Variants in KANSL1 observed in about 807,000 individuals in gnomAD.
KANSL1 encodes the protein MLL1/MLL complex subunit KANSL1.
KANSL1 carries 22 observed loss-of-function variants against 103.6 expected under a neutral mutation model. That is an observed-to-expected ratio of 0.21 (90% CI 0.15 to 0.30). The LOEUF is 0.30. Among genes scored for constraint, KANSL1 ranks in the 10% least tolerant of loss-of-function variants. The probability of loss-of-function intolerance (pLI) is 1.00; values close to 1 mark genes in which losing one functional copy is unlikely to be tolerated. For synonymous variants in KANSL1, 600 were observed against 527.6 expected (o/e 1.14, Z -1.88); for missense variants, 1,337 against 1,399.8 (o/e 0.96, Z 0.72).
chr17:46,143,526 C>T (rs955585093), intron 2 of KANSL1, among the ~76,000 whole-genome samples: 17 of 151,812 alleles, frequency 1.1e-4, no homozygotes, highest in South Asian at 4.1e-4. Context: ...ATAAAAAGGC[C>T]GGGCACAGTG....
chr17:46,043,557 C>G (rs1314452613), intron 7 of KANSL1: 1 of 152,192 alleles, frequency 6.6e-6, no homozygotes, highest in East Asian at 1.9e-4. Flanking sequence ...GCTGTCTTTC[C>G]TGTTGTACTG....
chr17:46,184,703 C>T (rs960779341), intron 1 of KANSL1, among the ~76,000 whole-genome samples: 3 of 152,310 alleles, frequency 2.0e-5, no homozygotes, highest in East Asian at 1.9e-4. Context: ...TCAAGTATTC[C>T]CCATTACTCC....
intron 2 of KANSL1, among the ~76,000 whole-genome samples, chr17:46,118,780 A>C (rs1487364292): frequency 6.6e-6 from 1 of 152,198 alleles, no homozygotes; most frequent in Non-Finnish European, 1.5e-5. Context: ...ACGGATAAAC[A>C]ACCAATAGTC....
rs1038293188 is a variant in KANSL1 at position 46,171,635 on chromosome 17, T to C, written c.509A>G (p.His170Arg). 7 of 1,563,716 alleles carry C rather than the reference T, an allele frequency of 4.5e-6. No homozygotes were observed. Among genetic ancestry groups the C allele is most frequent in the Admixed American group, 4.0e-5 (2 of 49,662 alleles). ...CCCATTGAGGGAAGTGGAATTGTCATGATCAGAATGTGTTGAACTTTTAGT... is the reference window on the plus strand; with the variant it reads ...CCCATTGAGGGAAGTGGAATTGTCACGATCAGAATGTGTTGAACTTTTAGT... Reference protein sequence around the residue: ...KLTKSSTHSDHDNSTSLNGGK... With the variant: ...KLTKSSTHSDRDNSTSLNGGK... Residue 170 changes from histidine (H) to arginine (R), a missense_variant, in exon 2 of 15, where the codon CAT becomes CGT. By Grantham distance (29) the His-to-Arg change is conservative. Transcript: ENST00000432791.
intron 7 of KANSL1, chr17:46,042,891 T>A (rs191935546): frequency 2.0e-4 from 30 of 151,186 alleles, no homozygotes; most frequent in Admixed American, 1.7e-3. Context: ...TGAAACAAAT[T>A]AGGAAAACTA....
At chr17:46,124,077 C>T (rs957052187) in intron 2 of KANSL1, among the ~76,000 whole-genome samples, 1 of 152,138 alleles carries the variant, frequency 6.6e-6, no homozygotes, top group Non-Finnish European at 1.5e-5. Context: ...GCTCCTTGAC[C>T]ATTCTGAAAA....
Position 46,030,132 on chromosome 17 carries a change from C to T in KANSL1, c.*1344G>A, listed in dbSNP as rs532837667. ...TTACAAAATACAAGGTTTTTTTTTT[C>T]CATTTTTTGTTTTTGTTTTTTTTTT... is the stretch of plus-strand genomic sequence containing the variant. On this transcript the variant is annotated 3_prime_UTR_variant, in exon 15 of 15. Coordinates refer to ENST00000432791, the MANE Select transcript of KANSL1 (RefSeq NM_015443.4). 6.8e-6 allele frequency: 1 copy of T among 147,856 alleles called. No homozygotes were observed. The highest frequency in any genetic ancestry group is 2.5e-5 in the African/African-American group (1 of 40,762). 9.2% of individuals were successfully genotyped at this position (147,856 alleles called of 1,614,324 possible). A position where few individuals can be genotyped will look rare whatever the true frequency, so the allele number is the denominator to read the frequency against.
At chr17:46,074,930 C>T (rs1423433491) in intron 4 of KANSL1, among the ~76,000 whole-genome samples, 1 of 151,998 alleles carries the variant, frequency 6.6e-6, no homozygotes, top group Non-Finnish European at 1.5e-5. Flanking sequence ...AATCATGAAC[C>T]CCCTGTGGTG....
At chr17:46,155,844 G>A (rs1393265134) in intron 2 of KANSL1, among the ~76,000 whole-genome samples, 1 of 152,134 alleles carries the variant, frequency 6.6e-6, no homozygotes, top group Non-Finnish European at 1.5e-5. Context: ...GACACAGGAG[G>A]ATTACTTAAG....
intron 2 of KANSL1, among the ~76,000 whole-genome samples, chr17:46,096,311 C>CTTTTTCTTT (rs1555760872): frequency 1.3e-5 from 1 of 76,408 alleles, no homozygotes; most frequent in African/African-American, 5.6e-5. Flanking sequence ...GCTTTTTTTT[C>CTTTTTCTTT]TTTTTTTTTT....
At chr17:46,166,999 G>A (rs925721541) in intron 2 of KANSL1, among the ~76,000 whole-genome samples, 3 of 150,208 alleles carry the variant, frequency 2.0e-5, no homozygotes, top group Non-Finnish European at 2.9e-5. Context: ...CTAGAGTAAC[G>A]GTTGGGAGAA....
At chr17:46,156,333 C>T (rs62060861) in intron 2 of KANSL1, among the ~76,000 whole-genome samples, 17,251 of 149,968 alleles carry the variant, frequency 0.12, no homozygotes, top group Non-Finnish European at 0.17. Flanking sequence ...GGCGACAGAC[C>T]GAGATTCTGT....
chr17:46,185,388 T>C (rs780677135), intron 1 of KANSL1, among the ~76,000 whole-genome samples: 33 of 152,192 alleles, frequency 2.2e-4, no homozygotes, highest in Non-Finnish European at 3.1e-4. Context: ...CAAGCACCTG[T>C]ACCCAGACTA....
chr17:46,062,134 A>AAAAAAAAAAAAAAAAAAAAAAAAAAAAAC (rs67483415), intron 6 of KANSL1, among the ~76,000 whole-genome samples: 1 of 132,750 alleles, frequency 7.5e-6, no homozygotes. Context: ...AAAAAAAAAA[A>AAAAAAAAAAAAAAAAAAAAAAAAAAAAAC]CATGTTACAG....
chr17:46,204,372 T>G (rs140711142), intron 1 of KANSL1, among the ~76,000 whole-genome samples: 45 of 152,232 alleles, frequency 3.0e-4, no homozygotes, highest in Non-Finnish European at 5.6e-4. Context: ...GGCTGAGGCA[T>G]AAGAATCATT....
In KANSL1 at chr17:46,186,910, T is replaced by C. The variant is rs565294455; in HGVS notation, c.-90+5913A>G. Among the ~76,000 whole-genome samples the C allele has an allele frequency of 5.3e-4, 80 of 152,220 alleles. No individual in the cohort carries two copies. In the South Asian group the frequency reaches 0.015, roughly 29 times the overall value. On this transcript the variant is annotated intron_variant, in intron 1 of 14. Coordinates refer to ENST00000432791, the MANE Select transcript of KANSL1 (RefSeq NM_015443.4). The stretch of plus-strand genomic sequence containing the variant: ...GTCCAGCTAATTTTTGCTGTTTTTT[T>C]TTTTAGTAGAGACAGGGTTTCACCA...
intron 2 of KANSL1, among the ~76,000 whole-genome samples, chr17:46,147,569 C>CCTT (rs1567729703): frequency 1.1e-5 from 1 of 89,752 alleles, no homozygotes; most frequent in Non-Finnish European, 2.2e-5. Context: ...GAGTGAGACT[C>CCTT]TTTAAAAAAA....
intron 1 of KANSL1, among the ~76,000 whole-genome samples, chr17:46,192,059 T>C (rs1175327613): frequency 6.6e-6 from 1 of 152,224 alleles, no homozygotes; most frequent in Non-Finnish European, 1.5e-5. Flanking sequence ...CGCCATCATG[T>C]CACCCCTTCT....
chr17:46,055,394 G>A (rs1055415432), intron 6 of KANSL1, among the ~76,000 whole-genome samples: 1 of 151,604 alleles, frequency 6.6e-6, no homozygotes, highest in African/African-American at 2.4e-5. Flanking sequence ...GAACCCAGGA[G>A]GCAGACGTTA....
Sources: allele counts gnomAD v4.1 joint callset (sites outside exome capture counted in the v4.1 genomes callset), GRCh38; gene constraint gnomAD v4.1.1; transcripts MANE v1.5; gene names NCBI Gene and HGNC (gene_info 2026-07-23, HGNC 2026-07-21).